DISC1: variants seen among roughly 807,000 people sequenced by gnomAD.
DISC1 encodes the protein DISC1 scaffold protein.
In DISC1, 57 loss-of-function variants were observed where a neutral mutation model predicts 84.5. The observed-to-expected ratio is 0.67, with a 90% CI of 0.55 to 0.84. The LOEUF is 0.84. Ranked by LOEUF, DISC1 falls within the 40% of genes least tolerant of loss-of-function variation. DISC1 has a pLI of 0.00. For synonymous variants in DISC1, 411 were observed against 415.2 expected (o/e 0.99, Z 0.12); for missense variants, 1,000 against 1,057.8 (o/e 0.95, Z 0.76).
chr1:231,748,616 TG>T (rs2074270785), intron 3 of DISC1, among the ~76,000 whole-genome samples: 1 of 152,322 alleles, frequency 6.6e-6, no homozygotes, highest in Admixed American at 6.5e-5. Flanking sequence ...ATTATCTTTT[TG>T]ATGTGTTGTT....
chr1:231,915,075 C>T (rs201013651), intron 9 of DISC1, among the ~76,000 whole-genome samples: 4 of 152,176 alleles, frequency 2.6e-5, no homozygotes, highest in South Asian at 2.1e-4. Context: ...ACCAACTATG[C>T]GCCTCCAGCC....
chr1:231,646,438 A>G (rs561171977), intron 1 of DISC1, among the ~76,000 whole-genome samples: 1 of 152,220 alleles, frequency 6.6e-6, no homozygotes, highest in South Asian at 2.1e-4. Context: ...AGTTTTTGCT[A>G]TTGTGAATAG....
chr1:232,036,840 G>A lies in DISC1; in HGVS notation c.*9G>A, dbSNP rs769558772. The A allele has an allele frequency of 1.4e-5, 22 of 1,539,490 alleles. No individual in the cohort carries two copies. Among genetic ancestry groups the A allele is most frequent in the Non-Finnish European group, 1.8e-5 (20 of 1,129,852 alleles). On this transcript the variant is annotated 3_prime_UTR_variant, in exon 13 of 13. Transcript: ENST00000439617. Reference sequence around the variant, plus strand: ...ACGAAGCACAAGCCTGAGGAGTGACGGGATGGGGGAGGGAGGTGGGCCACC... The same window carrying A: ...ACGAAGCACAAGCCTGAGGAGTGACAGGATGGGGGAGGGAGGTGGGCCACC...
At chr1:231,902,420 A>G (rs1053776981) in intron 9 of DISC1, among the ~76,000 whole-genome samples, 11 of 152,126 alleles carry the variant, frequency 7.2e-5, no homozygotes, top group Admixed American at 3.9e-4. Flanking sequence ...GGCCAACATG[A>G]TGAAACCCCA....
intron 9 of DISC1, among the ~76,000 whole-genome samples, chr1:231,880,765 G>C (rs1205224352): frequency 7.2e-6 from 1 of 138,394 alleles, no homozygotes; most frequent in Non-Finnish European, 1.6e-5. Flanking sequence ...GTGGGGGGGG[G>C]GTGAAATCAT....
intron 9 of DISC1, among the ~76,000 whole-genome samples, chr1:231,841,316 T>G (rs2083043807): frequency 6.6e-6 from 1 of 152,206 alleles, no homozygotes; most frequent in Non-Finnish European, 1.5e-5. Context: ...CTTTGTGAGG[T>G]TTGGCCCAAA....
At chr1:231,865,042 G>T (rs930865225) in intron 9 of DISC1, among the ~76,000 whole-genome samples, 2 of 152,144 alleles carry the variant, frequency 1.3e-5, no homozygotes, top group African/African-American at 4.8e-5. Flanking sequence ...GAATGATCAC[G>T]GAAGGACTTT....
chr1:231,907,020 CTT>C (rs2088728009), intron 9 of DISC1, among the ~76,000 whole-genome samples: 1 of 142,994 alleles, frequency 7.0e-6, no homozygotes, highest in Non-Finnish European at 1.5e-5. Context: ...CTTTCTTTTT[CTT>C]CTCTCTCTCT....
intron 1 of DISC1, among the ~76,000 whole-genome samples, chr1:231,676,259 G>A (rs1001388384): frequency 3.9e-5 from 6 of 152,192 alleles, no homozygotes; most frequent in Admixed American, 3.3e-4. Context: ...TTTAGGTCCC[G>A]ATGCTATCAT....
At chr1:231,711,786 T>C (rs1301424534) in intron 3 of DISC1, among the ~76,000 whole-genome samples, 1 of 152,234 alleles carries the variant, frequency 6.6e-6, no homozygotes, top group Non-Finnish European at 1.5e-5. Flanking sequence ...TGTTCTTCAC[T>C]TTTTTCTCTG....
At chr1:231,793,503 A>G (rs1244403312) in intron 6 of DISC1, among the ~76,000 whole-genome samples, 1 of 152,088 alleles carries the variant, frequency 6.6e-6, no homozygotes, top group Non-Finnish European at 1.5e-5. Flanking sequence ...CACTGCTGTG[A>G]GCATCCACGT....
chr1:231,873,546 C>G (rs1002072199), intron 9 of DISC1, among the ~76,000 whole-genome samples: 5 of 152,138 alleles, frequency 3.3e-5, no homozygotes, highest in Non-Finnish European at 7.4e-5. Flanking sequence ...GTGGTGCACT[C>G]ACAGGAGGAA....
chr1:231,990,627 G>A (rs917669997), intron 10 of DISC1, among the ~76,000 whole-genome samples: 1 of 152,192 alleles, frequency 6.6e-6, no homozygotes, highest in African/African-American at 2.4e-5. Flanking sequence ...TCTCGCACTT[G>A]TGGGCTGCCA....
intron 10 of DISC1, among the ~76,000 whole-genome samples, chr1:231,986,953 C>T (rs1354054538): frequency 6.6e-6 from 1 of 152,202 alleles, no homozygotes; most frequent in African/African-American, 2.4e-5. Flanking sequence ...CCTTTTCCCC[C>T]CATTAATAAT....
intron 4 of DISC1, among the ~76,000 whole-genome samples, chr1:231,766,846 T>A (rs2076210636): frequency 6.6e-6 from 1 of 152,244 alleles, no homozygotes; most frequent in Non-Finnish European, 1.5e-5. Context: ...TTTACACTTT[T>A]AGCACATTTT....
intron 9 of DISC1, among the ~76,000 whole-genome samples, chr1:231,896,121 A>G (rs200713016): frequency 1.7e-4 from 26 of 152,150 alleles, no homozygotes; most frequent in South Asian, 4.1e-4. Context: ...CATCGTACCA[A>G]TGATGGCTGT....
intron 9 of DISC1, among the ~76,000 whole-genome samples, chr1:231,935,470 G>C (rs147228089): frequency 1.1e-3 from 166 of 152,250 alleles, no homozygotes; most frequent in African/African-American, 3.8e-3. Flanking sequence ...TGTCCTCTAC[G>C]CGTGATATAA....
At chr1:231,799,806 GTTC>G (rs2079047648) in intron 7 of DISC1, among the ~76,000 whole-genome samples, 1 of 146,894 alleles carries the variant, frequency 6.8e-6, no homozygotes, top group Non-Finnish European at 1.5e-5. Flanking sequence ...CTTTATTTTT[GTTC>G]TTCTTCCTAC....
chr1:231,705,877 G>T (rs2067032987), intron 3 of DISC1, among the ~76,000 whole-genome samples: 1 of 152,064 alleles, frequency 6.6e-6, no homozygotes, highest in African/African-American at 2.4e-5. Flanking sequence ...GAATCTGAGA[G>T]GTTTGCCAGA....
Sources: gnomAD v4.1 joint callset for allele counts (sites outside exome capture counted in the v4.1 genomes callset) on GRCh38, gnomAD v4.1.1 for gene constraint, MANE v1.5 for transcripts, NCBI Gene and HGNC (gene_info 2026-07-23, HGNC 2026-07-21) for gene names.